ULK2: variants seen among roughly 807,000 people sequenced by gnomAD.
ULK2 encodes serine/threonine-protein kinase ULK2.
In ULK2, 76 loss-of-function variants were observed where a neutral mutation model predicts 127.5. That is an observed-to-expected ratio of 0.60 (90% confidence interval 0.50 to 0.72). The LOEUF (loss-of-function observed/expected upper bound fraction) is 0.72. Ranked by LOEUF, ULK2 falls within the 30% of genes least tolerant of loss-of-function variation. The pLI is 0.00. For missense variants in ULK2, 1,144 were observed against 1,295.9 expected, an observed-to-expected ratio of 0.88 and a Z score of 1.80; for synonymous variants, 452 against 461.9, an observed-to-expected ratio of 0.98 and a Z score of 0.28.
chr17:19,814,455 T>TG lies in ULK2; in HGVS notation c.1096+2293_1096+2294insC, dbSNP rs1383798721. Among the ~76,000 whole-genome samples, 107 of 101,564 alleles carry TG rather than the reference T, an allele frequency of 1.1e-3. 2 individuals carry two copies. The highest frequency in any genetic ancestry group is 1.9e-3 in the African/African-American group (45 of 24,222). 66.6% of individuals were successfully genotyped at this position (101,564 alleles called of 152,430 possible). A position where few individuals can be genotyped will look rare whatever the true frequency, so the allele number is the denominator to read the frequency against. On this transcript the variant is annotated intron_variant, in intron 13 of 26. Transcript: ENST00000395544. The stretch of plus-strand genomic sequence containing the variant: ...ATATATATATTTTTTTTTTTTTTTT[T>TG]TTTTTTTTGGAGACAGGGTCTTGCT...
At chr17:19,778,027 C>G (rs2086843994) in intron 25 of ULK2, among the ~76,000 whole-genome samples, 1 of 152,298 alleles carries the variant, frequency 6.6e-6, no homozygotes, top group East Asian at 1.9e-4. Flanking sequence ...TAAACACACA[C>G]TTCCATATAA....
At chr17:19,808,817 C>T (rs557306972) in intron 14 of ULK2, among the ~76,000 whole-genome samples, 3 of 152,306 alleles carry the variant, frequency 2.0e-5, no homozygotes, top group African/African-American at 7.2e-5. Context: ...CCCCTGTGCA[C>T]TGTTGGTTGG....
rs756799284 is a variant in ULK2, at chr17:19,867,370, T to G, written c.48A>C (p.Gly16=). ...DFEYSKRDLV[G]HGAFAVVFRG... ...GGAAGACCACGGCGAAGGCCCCGTG[T>G]CCCACGAGATCCCTCTTGCTGTACT... Residue 16 remains glycine (G), a synonymous_variant, in exon 1 of 27, where the codon GGA becomes GGC. Transcript: ENST00000395544. 4 of 1,603,002 alleles carry G rather than the reference T, an allele frequency of 2.5e-6. No individual in the cohort carries two copies. The highest frequency in any genetic ancestry group is 8.5e-7 in the Non-Finnish European group (1 of 1,176,002).
At position 19,777,548 on chromosome 17, in the gene ULK2, T is replaced by TA. The variant is rs747044015; in HGVS notation, c.3052+32dup. 1.5e-5 allele frequency: 24 copies of TA among 1,576,818 alleles called. No individual in the cohort carries two copies. The Middle Eastern group carries it at 5.1e-4, about 33-fold the overall frequency. ...CTTGTGATAGACAACTAAAATGAAG[T>TA]AAAAAAATACACTACTTTGTAAGTC... On this transcript the variant is annotated intron_variant, in intron 26 of 26. Coordinates refer to ENST00000395544, the MANE Select transcript of ULK2 (RefSeq NM_014683.4).
chr17:19,792,263 T>A (rs545313011), intron 20 of ULK2, among the ~76,000 whole-genome samples: 1 of 151,776 alleles, frequency 6.6e-6, no homozygotes, highest in East Asian at 1.9e-4. Flanking sequence ...AAGAAAACAA[T>A]ACAAAAGATC....
chr17:19,807,592 TAAAGG>T (rs752451703), intron 14 of ULK2, among the ~76,000 whole-genome samples: 69 of 151,730 alleles, frequency 4.5e-4, no homozygotes, highest in Non-Finnish European at 9.0e-4. Context: ...TATTCACTGG[TAAAGG>T]AAAGTTCAAG....
chr17:19,807,368 C>T (rs553782648), intron 14 of ULK2, among the ~76,000 whole-genome samples: 4 of 152,292 alleles, frequency 2.6e-5, no homozygotes, highest in East Asian at 1.9e-4. Flanking sequence ...AGATGGTGCA[C>T]TCTAATGCAC....
chr17:19,810,296 T>A, intron 14 of ULK2, 82 bp downstream of exon 14: 2 of 824,604 alleles, frequency 2.4e-6, no homozygotes, highest in Admixed American at 2.6e-5. Flanking sequence ...AAATCTTAAA[T>A]CAAGAACACT....
intron 5 of ULK2, among the ~76,000 whole-genome samples, chr17:19,848,515 A>G (rs1281281343): frequency 6.6e-6 from 1 of 152,190 alleles, no homozygotes; most frequent in African/African-American, 2.4e-5. Context: ...TGTGTGGCTC[A>G]CGCCTGTAAT....
At chr17:19,776,636 G>C (rs1179172386) in intron 26 of ULK2, among the ~76,000 whole-genome samples, 1 of 152,074 alleles carries the variant, frequency 6.6e-6, no homozygotes, top group Admixed American at 6.5e-5. Flanking sequence ...AATACTCTTA[G>C]AACTGCCATC....
intron 15 of ULK2, among the ~76,000 whole-genome samples, chr17:19,803,055 T>C (rs1433988192): frequency 6.6e-6 from 1 of 152,222 alleles, no homozygotes; most frequent in Admixed American, 6.5e-5. Context: ...AATTTTTGCT[T>C]AAAAGCTCAA....
chr17:19,806,846 C>A (rs188182495), intron 14 of ULK2, among the ~76,000 whole-genome samples: 1 of 152,316 alleles, frequency 6.6e-6, no homozygotes, highest in East Asian at 1.9e-4. Context: ...AAAGATAAGG[C>A]AGCCTGGCCA....
chr17:19,804,970 T>C, intron 14 of ULK2, 140 bp from the exon 15 acceptor site: 1 of 992,038 alleles, frequency 1.0e-6, no homozygotes, highest in Non-Finnish European at 1.3e-6. Context: ...AATGATCTTG[T>C]TAAAAAATAT....
chr17:19,860,482 T>C (rs1325679847), intron 3 of ULK2, among the ~76,000 whole-genome samples: 1 of 151,990 alleles, frequency 6.6e-6, no homozygotes, highest in Non-Finnish European at 1.5e-5. Context: ...AGGTCAAAAC[T>C]CTATTTAATA....
At chr17:19,865,275 C>T (rs1262462423) in intron 2 of ULK2, among the ~76,000 whole-genome samples, 3 of 152,120 alleles carry the variant, frequency 2.0e-5, no homozygotes, top group Non-Finnish European at 4.4e-5. Flanking sequence ...ACGTACTCAA[C>T]CATCTTCTCA....
chr17:19,844,896 C>G (rs958315189), intron 7 of ULK2, among the ~76,000 whole-genome samples: 3 of 152,124 alleles, frequency 2.0e-5, no homozygotes, highest in Non-Finnish European at 2.9e-5. Flanking sequence ...GAAAAAACAT[C>G]TACAACACAG....
At chr17:19,828,441 CA>C (rs1378209700) in intron 10 of ULK2, among the ~76,000 whole-genome samples, 2 of 152,128 alleles carry the variant, frequency 1.3e-5, no homozygotes, top group African/African-American at 4.8e-5. Flanking sequence ...TTAAAATTAT[CA>C]TAAAGATATA....
chr17:19,783,132 T>C lies in ULK2; in HGVS notation c.2460+565A>G, dbSNP rs118025061. ...AAAGTCTCTCTGCTCTGTGACAGCA[T>C]ATTGCACTGTATGTTTCAATACACT... On this transcript the variant is annotated intron_variant, in intron 22 of 26. Coordinates refer to ENST00000395544, the MANE Select transcript of ULK2 (RefSeq NM_014683.4). Among the ~76,000 whole-genome samples the C allele has an allele frequency of 4.7e-3, 713 of 152,282 alleles. 23 individuals carry two copies. The East Asian group carries it at 0.086, about 18-fold the overall frequency.
At chr17:19,864,775 A>G (rs987288731) in intron 3 of ULK2, 28 bp downstream of exon 3, 40 of 1,114,576 alleles carry the variant, frequency 3.6e-5, no homozygotes, top group Non-Finnish European at 4.5e-5. Context: ...ATTTATTTTA[A>G]TTTTTAAAAA....
Sources: gnomAD v4.1 joint callset for allele counts (sites outside exome capture counted in the v4.1 genomes callset) on GRCh38, gnomAD v4.1.1 for gene constraint, MANE v1.5 for transcripts, NCBI Gene and HGNC (gene_info 2026-07-23, HGNC 2026-07-21) for gene names.